Variants in CELF2 observed in about 807,000 individuals in gnomAD.
The protein encoded by CELF2 is CUGBP Elav-like family member 2.
In CELF2, 8 loss-of-function variants were observed where a neutral mutation model predicts 62.6. That is an observed-to-expected ratio of 0.13 (90% CI 0.07 to 0.23). The LOEUF (loss-of-function observed/expected upper bound fraction) is 0.23, where lower values mean the gene tolerates loss of function less well. Among genes scored for constraint, CELF2 ranks in the 10% least tolerant of loss-of-function variants. The pLI is 1.00. For synonymous variants in CELF2, 258 were observed against 250.0 expected, an observed-to-expected ratio of 1.03 and a Z score of -0.30; for missense variants, 333 against 671.0, an observed-to-expected ratio of 0.50 and a Z score of 5.56.
chr10:10,518,667 C>T, the CELF2 span, among the ~76,000 whole-genome samples: 1 of 151,672 alleles, frequency 6.6e-6, no homozygotes, highest in Admixed American at 6.6e-5. Context: ...AATAGTGGCA[C>T]CAATTTTTTA....
chr10:10,537,826 A>T, the CELF2 span, among the ~76,000 whole-genome samples: 1 of 152,166 alleles, frequency 6.6e-6, no homozygotes, highest in South Asian at 2.1e-4. Flanking sequence ...GACTGAAAAC[A>T]TTACAGGTGC....
rs1032293621 is a variant in CELF2, at chr10:11,220,556, G to A, written c.354+3049G>A. On this transcript the variant is annotated intron_variant, in intron 3 of 12. Coordinates refer to ENST00000633077, the MANE Select transcript of CELF2 (RefSeq NM_001326342.2). This position sits in a 1 kb window ranked among gnomAD's most constrained non-coding sequence, Gnocchi z 4.4. The stretch of plus-strand genomic sequence containing the variant: ...TGAGGTGACAGATCAGGGCTCTTAC[G>A]GAGCAGTGCAAAATCATTGAAGACA... 3.3e-5 allele frequency among the ~76,000 whole-genome samples: 5 copies of A among 152,174 alleles called. No homozygotes were observed. Among genetic ancestry groups the A allele is most frequent in the African/African-American group, 7.2e-5 (3 of 41,442 alleles).
rs1418110483 is a variant in CELF2 at position 10,931,687 on chromosome 10, T to C, written c.89+11688T>C. Among the ~76,000 whole-genome samples, 1 of 152,218 alleles carries C rather than the reference T, an allele frequency of 6.6e-6. No individual in the cohort carries two copies. The highest frequency in any genetic ancestry group is 1.5e-5 in the Non-Finnish European group (1 of 68,036). ...ACAAGTTTTTAAAATACATACCTAA[T>C]TAATAATGGAGATGCTTATGGACAC... On this transcript the variant is annotated intron_variant, in intron 2 of 13. Coordinates refer to the CELF2 transcript ENST00000636488. This position sits in a 1 kb window ranked among gnomAD's most constrained non-coding sequence, Gnocchi z 6.1.
chr10:11,009,099 AC>A (rs1260719821), intron 1 of CELF2, among the ~76,000 whole-genome samples: 4 of 150,378 alleles, frequency 2.7e-5, no homozygotes, highest in Non-Finnish European at 5.9e-5. Flanking sequence ...ACTAACAGTG[AC>A]TTTTGTTGGG....
the CELF2 span, among the ~76,000 whole-genome samples, chr10:10,515,710 G>A: frequency 6.6e-6 from 1 of 152,200 alleles, no homozygotes. Flanking sequence ...GGAAAGATCA[G>A]GAGTCAGAAA....
the CELF2 span, among the ~76,000 whole-genome samples, chr10:10,530,478 T>A: frequency 6.6e-6 from 1 of 152,218 alleles, no homozygotes; most frequent in Non-Finnish European, 1.5e-5. Flanking sequence ...CATAAACATC[T>A]AGAAGCTAGG....
At chr10:10,858,021 A>G (rs1346304627) in intron 1 of CELF2, among the ~76,000 whole-genome samples, 2 of 152,134 alleles carry the variant, frequency 1.3e-5, no homozygotes. Flanking sequence ...ATCTAAAGTC[A>G]GAAATTCAGA....
chr10:10,650,737 A>G, the CELF2 span, among the ~76,000 whole-genome samples: 1 of 152,258 alleles, frequency 6.6e-6, no homozygotes, highest in Non-Finnish European at 1.5e-5. Flanking sequence ...TAAAAATAGT[A>G]AAATGATGCA....
the CELF2 span, among the ~76,000 whole-genome samples, chr10:10,724,571 G>A: frequency 4.7e-5 from 7 of 148,146 alleles, no homozygotes; most frequent in South Asian, 2.1e-4. Flanking sequence ...CAGGAGAACC[G>A]CTTGAAGCCA....
At chr10:10,499,351 T>A in the CELF2 span, among the ~76,000 whole-genome samples, 2 of 149,102 alleles carry the variant, frequency 1.3e-5, no homozygotes, top group African/African-American at 2.5e-5. Context: ...CAGGCCACCA[T>A]GCCCAGCCAT....
chr10:10,793,485 C>T (rs572203577), upstream of CELF2, among the ~76,000 whole-genome samples: 36 of 152,200 alleles, frequency 2.4e-4, no homozygotes, highest in African/African-American at 8.2e-4. Context: ...AAAACATAGC[C>T]GCTACATTAA....
chr10:11,278,439 T>C (rs2086950549), intron 8 of CELF2, among the ~76,000 whole-genome samples: 1 of 152,004 alleles, frequency 6.6e-6, no homozygotes, highest in African/African-American at 2.4e-5. Context: ...AGCGGTGATA[T>C]TTGTTCAGTG....
chr10:10,606,003 A>C, the CELF2 span, among the ~76,000 whole-genome samples: 42 of 152,286 alleles, frequency 2.8e-4, no homozygotes, highest in African/African-American at 1.0e-3. Context: ...GTCATTTTAC[A>C]ACCCTGAATG....
the CELF2 span, among the ~76,000 whole-genome samples, chr10:10,512,113 A>G: frequency 5.9e-5 from 9 of 152,306 alleles, no homozygotes; most frequent in Non-Finnish European, 1.5e-5. Flanking sequence ...TTAATTTTTT[A>G]TCAACTAATC....
At position 11,329,138 on chromosome 10, in the gene CELF2, A is replaced by AG; in HGVS notation, c.*87dup. The AG allele has an allele frequency of 7.1e-7, 1 of 1,415,330 alleles. No individual in the cohort carries two copies. 87.7% of individuals were successfully genotyped at this position (1,415,330 alleles called of 1,614,324 possible). A position where few individuals can be genotyped will look rare whatever the true frequency, so the allele number is the denominator to read the frequency against. ...CAGCCTGTCTCAACAGGGAAGGCAG[A>AG]GGAGGACCACATTGCCAACTTTTAC... On this transcript the variant is annotated 3_prime_UTR_variant, in exon 13 of 13. Transcript: ENST00000633077. The surrounding 1 kb of genome is among the most constrained non-coding windows in gnomAD (Gnocchi z 5.5).
At chr10:11,085,776 A>G (rs1342008700) in intron 1 of CELF2, among the ~76,000 whole-genome samples, 2 of 152,200 alleles carry the variant, frequency 1.3e-5, no homozygotes, top group Non-Finnish European at 1.5e-5. Context: ...TTATAATGTC[A>G]TATTAACCAC....
the CELF2 span, among the ~76,000 whole-genome samples, chr10:10,559,715 A>G: frequency 6.6e-6 from 1 of 152,204 alleles, no homozygotes; most frequent in Non-Finnish European, 1.5e-5. Context: ...TAAATGGCCT[A>G]TCTGAGAATT....
At chr10:11,163,268 G>T (rs1216688451) in intron 1 of CELF2, among the ~76,000 whole-genome samples, 5 of 152,118 alleles carry the variant, frequency 3.3e-5, no homozygotes, top group African/African-American at 1.2e-4. Flanking sequence ...CCCATTTTTT[G>T]AACTTCTGTT....
chr10:10,763,009 T>C, the CELF2 span, among the ~76,000 whole-genome samples: 9 of 152,220 alleles, frequency 5.9e-5, no homozygotes, highest in African/African-American at 1.7e-4. Flanking sequence ...CTCTAGTTAG[T>C]ACTAGAAGTT....
Sources: gnomAD v4.1 joint callset for allele counts (sites outside exome capture counted in the v4.1 genomes callset) on GRCh38, gnomAD v4.1.1 for gene constraint, Gnocchi (gnomAD v3.1) non-coding constraint, MANE v1.5 for transcripts, NCBI Gene and HGNC (gene_info 2026-07-23, HGNC 2026-07-21) for gene names.